BRF1: variants seen among roughly 807,000 people sequenced by gnomAD.
BRF1 encodes transcription factor IIIB 90 kDa subunit.
A neutral mutation model predicts 81.7 loss-of-function variants in BRF1; 59 were observed. That is an observed-to-expected ratio of 0.72 (90% CI 0.59 to 0.90). The LOEUF (loss-of-function observed/expected upper bound fraction) is 0.90. Among genes scored for constraint, BRF1 ranks in the 40% least tolerant of loss-of-function variants. The pLI is 0.00. For missense variants in BRF1, 1,050 were observed against 936.3 expected, an observed-to-expected ratio of 1.12 and a Z score of -1.58; for synonymous variants, 491 against 395.6, an observed-to-expected ratio of 1.24 and a Z score of -2.86.
intron 2 of BRF1, among the ~76,000 whole-genome samples, chr14:105,281,765 C>G (rs1216079436): frequency 6.7e-6 from 1 of 149,852 alleles, no homozygotes; most frequent in Middle Eastern, 3.2e-3. Context: ...TTTTAAATTC[C>G]TTTCTATATG....
intron 15 of BRF1, among the ~76,000 whole-genome samples, chr14:105,215,746 CAG>C (rs1251757998): frequency 1.4e-5 from 2 of 146,946 alleles, no homozygotes; most frequent in Non-Finnish European, 3.0e-5. Context: ...ACTGCATACA[CAG>C]ACACAGGCAC....
At chr14:105,288,638 T>TA (rs2057403593) in intron 1 of BRF1, among the ~76,000 whole-genome samples, 1 of 136,388 alleles carries the variant, frequency 7.3e-6, no homozygotes, top group Non-Finnish European at 1.6e-5. Context: ...TCTTTCTTTC[T>TA]TTTTTTTTTT....
chr14:105,217,747 C>G lies in BRF1; in HGVS notation c.1569G>C (p.Glu523Asp). 1 of 1,613,448 alleles carries G rather than the reference C, an allele frequency of 6.2e-7. No individual in the cohort carries two copies. Among genetic ancestry groups the G allele is most frequent in the Non-Finnish European group, 8.5e-7 (1 of 1,180,022 alleles). Residue 523 changes from glutamate (E) to aspartate (D), a missense_variant, in exon 15 of 18, where the codon GAG becomes GAC. This residue lies in a region of BRF1 where 1,043 missense variants were observed against 915.4 expected (regional missense o/e 1.14). Coordinates refer to ENST00000547530, the MANE Select transcript of BRF1 (RefSeq NM_001519.4). ...REPIQASTAR[E>D]AIEKMLEQKK... is the part of the protein sequence containing the mutation. ...TCTGCTCCAGCATCTTCTCGATGGCCTCCCTGGCGGTACTGGCCTGAATTG... is the reference window on the plus strand; with the variant it reads ...TCTGCTCCAGCATCTTCTCGATGGCGTCCCTGGCGGTACTGGCCTGAATTG...
At chr14:105,228,773 G>T (rs766304045) in intron 7 of BRF1, 47 bp downstream of exon 7, 3 of 1,603,896 alleles carry the variant, frequency 1.9e-6, no homozygotes, top group Non-Finnish European at 2.6e-6. Flanking sequence ...GAGCTGGACT[G>T]ATGAAGCCTC....
chr14:105,217,523 CCACTCAGGACAGGATGGTA>C lies in BRF1; in HGVS notation c.1772+2_1772+20del. 1 of 1,601,732 alleles carries C rather than the reference CCACTCAGGACAGGATGGTA, an allele frequency of 6.2e-7. No individual in the cohort carries two copies. The highest frequency in any genetic ancestry group is 8.5e-7 in the Non-Finnish European group (1 of 1,170,466). On this transcript the variant is annotated splice_donor_variant and splice_donor_5th_base_variant and intron_variant, in intron 15 of 17. Coordinates refer to ENST00000547530, the MANE Select transcript of BRF1 (RefSeq NM_001519.4). LOFTEE classifies it high-confidence loss of function. ...GCCCTGGGCTGCTGCCCTAACCCAG[CCACTCAGGACAGGATGGTA>C]CCTTTTCCCCACACTGGTCACAGGG...
chr14:105,312,591 G>A (rs1211782873), intron 1 of BRF1, among the ~76,000 whole-genome samples: 1 of 152,214 alleles, frequency 6.6e-6, no homozygotes, highest in Non-Finnish European at 1.5e-5. Context: ...TCATAGCATG[G>A]GGAGGGATGC....
chr14:105,301,705 C>T (rs903916411), upstream of BRF1, among the ~76,000 whole-genome samples: 4 of 152,266 alleles, frequency 2.6e-5, no homozygotes, highest in Admixed American at 2.6e-4. Flanking sequence ...TCATTCGTGG[C>T]CACCTGTGGT....
chr14:105,275,550 A>AC (rs2056848198), intron 2 of BRF1, among the ~76,000 whole-genome samples: 1 of 152,160 alleles, frequency 6.6e-6, no homozygotes, highest in African/African-American at 2.4e-5. Context: ...CTGACAGGGG[A>AC]CCCGCTGAAG....
chr14:105,229,421 A>C (rs972147425), intron 6 of BRF1, among the ~76,000 whole-genome samples: 3 of 152,230 alleles, frequency 2.0e-5, no homozygotes, highest in Non-Finnish European at 4.4e-5. Flanking sequence ...GGATGCCGGT[A>C]CCTGGCCTGC....
chr14:105,285,226 G>T (rs910591014), intron 2 of BRF1, among the ~76,000 whole-genome samples: 2 of 152,336 alleles, frequency 1.3e-5, no homozygotes, highest in South Asian at 4.1e-4. Context: ...TTTTGAAAGA[G>T]AGCAGTTAGA....
intron 5 of BRF1, among the ~76,000 whole-genome samples, chr14:105,251,901 C>T (rs1421555958): frequency 6.6e-6 from 1 of 151,982 alleles, no homozygotes; most frequent in African/African-American, 2.4e-5. Context: ...ACAGGACTTA[C>T]CCTACACCTA....
chr14:105,298,009 A>G (rs2057811960), intron 1 of BRF1, among the ~76,000 whole-genome samples: 2 of 152,328 alleles, frequency 1.3e-5, no homozygotes, highest in African/African-American at 4.8e-5. Flanking sequence ...AAAAAAATAA[A>G]ATAAAAAATA....
upstream of BRF1, among the ~76,000 whole-genome samples, chr14:105,303,296 T>C (rs1472744226): frequency 6.6e-6 from 1 of 152,194 alleles, no homozygotes; most frequent in Non-Finnish European, 1.5e-5. Context: ...CAGGCTGGAA[T>C]GCAGTGGTGC....
chr14:105,271,811 C>T lies in BRF1; in HGVS notation c.439+910G>A, dbSNP rs1244286945. ...CAGACACTGGATCTCCACGCAAGGC[C>T]AAGCTGCACACCGCTGAGGGTCGGC... On this transcript the variant is annotated intron_variant, in intron 3 of 17. Transcript: ENST00000547530. The surrounding 1 kb of genome is among the most constrained non-coding windows in gnomAD (Gnocchi z 5.5). 1.3e-5 allele frequency among the ~76,000 whole-genome samples: 2 copies of T among 152,130 alleles called. No homozygotes were observed. The highest frequency in any genetic ancestry group is 4.8e-5 in the African/African-American group (2 of 41,444).
Position 105,249,760 on chromosome 14 carries a change from T to C in BRF1, c.544+2747A>G. On this transcript the variant is annotated intron_variant, in intron 5 of 17. Coordinates refer to ENST00000547530, the MANE Select transcript of BRF1 (RefSeq NM_001519.4). ...CCTGTGTCAACTTTCTGGAGACAAGTTTGGAAGCCAAGAACGCCTGCGTCC... is the reference window on the plus strand; with the variant it reads ...CCTGTGTCAACTTTCTGGAGACAAGCTTGGAAGCCAAGAACGCCTGCGTCC... 3 of 1,613,894 alleles carry C rather than the reference T, an allele frequency of 1.9e-6. No individual in the cohort carries two copies. In the South Asian group the frequency reaches 3.3e-5, roughly 18 times the overall value.
At chr14:105,229,375 A>G (rs924278448) in intron 6 of BRF1, among the ~76,000 whole-genome samples, 1 of 152,216 alleles carries the variant, frequency 6.6e-6, no homozygotes, top group Non-Finnish European at 1.5e-5. Context: ...GTGCAGATGG[A>G]ACGGCTTCTC....
intron 15 of BRF1, among the ~76,000 whole-genome samples, chr14:105,215,967 G>GCA (rs1208305167): frequency 1.3e-5 from 1 of 76,114 alleles, no homozygotes; most frequent in Non-Finnish European, 2.4e-5. Context: ...ACACACACAT[G>GCA]CACACACACT....
At chr14:105,274,750 G>A (rs1054714410) in intron 2 of BRF1, among the ~76,000 whole-genome samples, 5 of 152,034 alleles carry the variant, frequency 3.3e-5, no homozygotes, top group Non-Finnish European at 5.9e-5. Context: ...GGGAGCACCT[G>A]GGCCAACCTC....
intron 12 of BRF1, 38 bp from the exon 13 acceptor site, chr14:105,219,270 T>G (rs763241466): frequency 6.2e-7 from 1 of 1,604,916 alleles, no homozygotes; most frequent in Admixed American, 1.7e-5. Flanking sequence ...GCTTTTAGCC[T>G]TCGCACACCG....
Sources: allele counts gnomAD v4.1 joint callset (sites outside exome capture counted in the v4.1 genomes callset), GRCh38; gene constraint gnomAD v4.1.1; regional missense constraint gnomAD v4.1.1; non-coding constraint Gnocchi (gnomAD v3.1); transcripts MANE v1.5; gene names NCBI Gene and HGNC (gene_info 2026-07-23, HGNC 2026-07-21).